RBFOX1: variants seen among roughly 807,000 people sequenced by gnomAD.
RBFOX1 encodes the protein RNA binding protein fox-1 homolog 1.
RBFOX1 carries 8 observed loss-of-function variants against 57.7 expected under a neutral mutation model. The observed-to-expected ratio is 0.14, with a 90% CI of 0.08 to 0.25. RBFOX1 has a LOEUF of 0.25. RBFOX1 is among the 10% of genes least tolerant of loss of function. The probability of loss-of-function intolerance (pLI) is 1.00; values close to 1 mark genes in which losing one functional copy is unlikely to be tolerated. For missense variants in RBFOX1, 611 were observed against 548.5 expected (o/e 1.11, Z -1.14); for synonymous variants, 326 against 222.4 (o/e 1.47, Z -4.15).
intron 4 of RBFOX1, among the ~76,000 whole-genome samples, chr16:7,341,999 G>A (rs1379673290): frequency 6.6e-6 from 1 of 152,032 alleles, no homozygotes; most frequent in African/African-American, 2.4e-5. Context: ...CCTGGAGGAG[G>A]GGAGAATTGC....
chr16:5,699,865 G>C (rs927613614), intron 3 of RBFOX1, among the ~76,000 whole-genome samples: 2 of 152,028 alleles, frequency 1.3e-5, no homozygotes, highest in African/African-American at 4.8e-5. Context: ...ACGGAGTCTT[G>C]CTCTGTCGCC....
intron 4 of RBFOX1, among the ~76,000 whole-genome samples, chr16:7,494,200 G>A (rs538032185): frequency 9.9e-5 from 15 of 152,246 alleles, no homozygotes; most frequent in East Asian, 1.9e-4. Context: ...TGCAATTCTC[G>A]TTTTGAGCAT....
intron 2 of RBFOX1, among the ~76,000 whole-genome samples, chr16:5,501,065 C>T (rs1042914348): frequency 1.3e-5 from 2 of 152,074 alleles, no homozygotes; most frequent in Non-Finnish European, 2.9e-5. Context: ...CCTGTAATCC[C>T]AGCACTTTGG....
Position 6,314,520 on chromosome 16 carries a change from C to T in RBFOX1, c.-126-2475C>T, listed in dbSNP as rs74582364. Among the ~76,000 whole-genome samples, 9 of 152,100 alleles carry T rather than the reference C, an allele frequency of 5.9e-5. No homozygotes were observed. The East Asian group carries it at 1.7e-3, about 29-fold the overall frequency. On this transcript the variant is annotated intron_variant, in intron 1 of 15. Coordinates refer to ENST00000550418, the MANE Select transcript of RBFOX1 (RefSeq NM_018723.4). ...AGACCTTCCATGAGTTCAAATGGGG[C>T]CAGGTGAAGGGCAGTTTAGGATGAG...
intron 5 of RBFOX1, among the ~76,000 whole-genome samples, chr16:7,534,508 A>C (rs2081010895): frequency 6.6e-6 from 1 of 151,934 alleles, no homozygotes; most frequent in African/African-American, 2.4e-5. Context: ...CCCCAGGATA[A>C]CTTCCCCTGT....
intron 4 of RBFOX1, among the ~76,000 whole-genome samples, chr16:7,299,712 A>C (rs2095985030): frequency 6.6e-6 from 1 of 152,148 alleles, no homozygotes; most frequent in Non-Finnish European, 1.5e-5. Context: ...AGGGGTTGAG[A>C]CATTCTAGAG....
At chr16:5,535,778 G>T (rs983522577) in intron 2 of RBFOX1, among the ~76,000 whole-genome samples, 2 of 152,166 alleles carry the variant, frequency 1.3e-5, no homozygotes, top group Non-Finnish European at 2.9e-5. Flanking sequence ...AGAACTTTGT[G>T]CATCTCTTAT....
chr16:5,599,030 G>A (rs2047278626), exon 3 of RBFOX1: 1 of 1,318,356 alleles, frequency 7.6e-7, no homozygotes, highest in East Asian at 2.5e-5. Context: ...CAGCCTCTTT[G>A]GTCTCCGTCA....
At chr16:5,694,848 G>T (rs916503836) in intron 3 of RBFOX1, among the ~76,000 whole-genome samples, 1 of 151,404 alleles carries the variant, frequency 6.6e-6, no homozygotes, top group Non-Finnish European at 1.5e-5. Flanking sequence ...ATGGGGAGAT[G>T]GTAGAAGAGA....
chr16:7,335,107 G>A (rs1427189383), intron 4 of RBFOX1, among the ~76,000 whole-genome samples: 1 of 152,158 alleles, frequency 6.6e-6, no homozygotes, highest in East Asian at 1.9e-4. Flanking sequence ...TCACCCCAGT[G>A]CAGTAATATT....
chr16:6,595,347 T>C (rs1237320155), intron 2 of RBFOX1, among the ~76,000 whole-genome samples: 1 of 152,210 alleles, frequency 6.6e-6, no homozygotes. Flanking sequence ...TTACTAAGCA[T>C]AATGTTTTCA....
At chr16:6,063,444 A>G (rs960541705) in intron 1 of RBFOX1, among the ~76,000 whole-genome samples, 2 of 149,404 alleles carry the variant, frequency 1.3e-5, no homozygotes, top group Non-Finnish European at 3.0e-5. Context: ...ATCCATCATT[A>G]GCGTCTGTTC....
At chr16:6,891,605 C>G (rs1050710796) in intron 3 of RBFOX1, among the ~76,000 whole-genome samples, 5 of 152,276 alleles carry the variant, frequency 3.3e-5, no homozygotes, top group East Asian at 1.9e-4. Context: ...ACCATTGTTC[C>G]AAATCACTGA....
At chr16:5,572,961 T>C (rs4786716) in intron 2 of RBFOX1, among the ~76,000 whole-genome samples, 137,421 of 152,102 alleles carry the variant, frequency 0.9, 62,203 homozygotes, top group East Asian at 1. Flanking sequence ...GATTGAAGGG[T>C]TTTCAGTGGA....
chr16:5,329,359 G>A (rs1270172401), intron 1 of RBFOX1, among the ~76,000 whole-genome samples: 1 of 152,146 alleles, frequency 6.6e-6, no homozygotes, highest in Admixed American at 6.5e-5. Flanking sequence ...GGCCAGAGCA[G>A]GAGGAGAGGA....
At chr16:5,443,843 T>G (rs1309977701) in intron 1 of RBFOX1, among the ~76,000 whole-genome samples, 1 of 152,228 alleles carries the variant, frequency 6.6e-6, no homozygotes, top group African/African-American at 2.4e-5. Context: ...ACCTATTTTT[T>G]GAAAGTCTGG....
chr16:7,400,760 T>A (rs528598485), intron 4 of RBFOX1, among the ~76,000 whole-genome samples: 2 of 152,166 alleles, frequency 1.3e-5, no homozygotes, highest in Non-Finnish European at 2.9e-5. Context: ...ATCCAGTCAA[T>A]TAAAAATGGA....
chr16:7,110,916 G>C (rs974909043), intron 4 of RBFOX1, among the ~76,000 whole-genome samples: 1 of 152,008 alleles, frequency 6.6e-6, no homozygotes, highest in African/African-American at 2.4e-5. Context: ...TTTAACTTTG[G>C]GTAGTAAAAG....
chr16:5,857,685 G>T (rs1292099365), intron 3 of RBFOX1, among the ~76,000 whole-genome samples: 1 of 152,006 alleles, frequency 6.6e-6, no homozygotes, highest in African/African-American at 2.4e-5. Flanking sequence ...ATTTTGGGAG[G>T]CCAAGACGGG....
Sources: gnomAD v4.1 joint callset for allele counts (sites outside exome capture counted in the v4.1 genomes callset) on GRCh38, gnomAD v4.1.1 for gene constraint, MANE v1.5 for transcripts, NCBI Gene and HGNC (gene_info 2026-07-23, HGNC 2026-07-21) for gene names.